Variants in SLC38A1 observed in about 807,000 individuals in gnomAD.
SLC38A1 encodes the protein solute carrier family 38 member 1.
In SLC38A1, 18 loss-of-function variants were observed where a neutral mutation model predicts 60.3. That is an observed-to-expected ratio of 0.30 (90% confidence interval 0.21 to 0.44). The LOEUF is 0.44. SLC38A1 is among the 20% of genes least tolerant of loss of function. The probability of loss-of-function intolerance (pLI) is 1.00; values close to 1 mark genes in which losing one functional copy is unlikely to be tolerated. For missense variants in SLC38A1, 448 were observed against 587.2 expected (o/e 0.76, Z 2.45); for synonymous variants, 196 against 212.1 (o/e 0.92, Z 0.66).
chr12:46,265,398 C>G (rs1942321337), intron 1 of SLC38A1, among the ~76,000 whole-genome samples: 1 of 152,214 alleles, frequency 6.6e-6, no homozygotes, highest in South Asian at 2.1e-4. Flanking sequence ...TCAGTGAACA[C>G]TTCTCCCAAG....
At chr12:46,252,326 G>A (rs973771559) in intron 1 of SLC38A1, among the ~76,000 whole-genome samples, 34 of 152,188 alleles carry the variant, frequency 2.2e-4, no homozygotes, top group Non-Finnish European at 2.9e-4. Context: ...ATCACACACC[G>A]GGGCCTGTCA....
At chr12:46,200,039 T>C (rs1359374111) in intron 13 of SLC38A1, among the ~76,000 whole-genome samples, 1 of 152,206 alleles carries the variant, frequency 6.6e-6, no homozygotes, top group African/African-American at 2.4e-5. Context: ...TGAAAAATAA[T>C]GCATCTACAA....
chr12:46,251,618 A>G (rs1019292703), intron 1 of SLC38A1, among the ~76,000 whole-genome samples: 1 of 152,230 alleles, frequency 6.6e-6, no homozygotes, highest in African/African-American at 2.4e-5. Flanking sequence ...AGAATCTACA[A>G]AGAACTTAAA....
intron 14 of SLC38A1, 22 bp downstream of exon 14, chr12:46,198,603 T>C (rs775330886): frequency 8.6e-6 from 13 of 1,509,948 alleles, no homozygotes; most frequent in Non-Finnish European, 1.2e-5. Context: ...TTTTCTCATA[T>C]TGCACAGAGG....
At position 46,183,203 on chromosome 12, in the gene SLC38A1, T is replaced by C. The variant is rs942957289; in HGVS notation, c.*5767A>G. On this transcript the variant is annotated 3_prime_UTR_variant, in exon 17 of 17. Coordinates refer to ENST00000398637, the MANE Select transcript of SLC38A1 (RefSeq NM_030674.4). ...ATTTGATTAACTATGAATAGCAAAG[T>C]TTTGTGACTTGTGACTCACTTAAAT... 4 of 152,312 alleles carry C rather than the reference T, an allele frequency of 2.6e-5. No individual in the cohort carries two copies. Among genetic ancestry groups the C allele is most frequent in the Non-Finnish European group, 5.9e-5 (4 of 68,018 alleles). The allele number at this position is 152,312 out of a possible 1,614,324, so 9.4% of individuals were successfully genotyped here.
intron 9 of SLC38A1, 104 bp from the exon 10 acceptor site, chr12:46,204,694 C>T (rs947693035): frequency 2.5e-5 from 19 of 765,650 alleles, no homozygotes; most frequent in Admixed American, 5.6e-5. Context: ...CATCACCTCA[C>T]TTATTTCAGT....
rs780181487 is a variant in SLC38A1 at position 46,201,135 on chromosome 12, G to A, written c.966C>T (p.Tyr322=). The A allele has an allele frequency of 6.2e-7, 1 of 1,613,470 alleles. No individual in the cohort carries two copies. Among genetic ancestry groups the A allele is most frequent in the East Asian group, 2.2e-5 (1 of 44,782 alleles). Reference sequence around the variant, plus strand: ...AGTAGCCAAAAATGGCAGTCAAGAAGTACATAACAAACATGGCGAAAAAGG... The same window carrying A: ...AGTAGCCAAAAATGGCAGTCAAGAAATACATAACAAACATGGCGAAAAAGG... ...NISFFAMFVM[Y]FLTAIFGYLT... The change falls in exon 13 of 17, where the codon TAC becomes TAT. Residue 322 remains tyrosine, a synonymous_variant. Transcript: ENST00000398637.
chr12:46,219,279 T>TTATGGTTAG (rs1940552767), intron 5 of SLC38A1, among the ~76,000 whole-genome samples: 1 of 152,262 alleles, frequency 6.6e-6, no homozygotes, highest in Admixed American at 6.5e-5. Flanking sequence ...TTTCTTTCAC[T>TTATGGTTAG]GTCATAATTT....
intron 5 of SLC38A1, among the ~76,000 whole-genome samples, chr12:46,220,503 C>A (rs1403747686): frequency 6.6e-6 from 1 of 152,172 alleles, no homozygotes; most frequent in Non-Finnish European, 1.5e-5. Flanking sequence ...TATTGACTTC[C>A]TCTTAACTGC....
chr12:46,201,869 G>A (rs962142396), intron 12 of SLC38A1, among the ~76,000 whole-genome samples: 1 of 149,046 alleles, frequency 6.7e-6, no homozygotes, highest in African/African-American at 2.5e-5. Context: ...AAGGAATCTA[G>A]GATGCCATAG....
At chr12:46,193,870 T>C (rs946887052) in intron 16 of SLC38A1, among the ~76,000 whole-genome samples, 1 of 152,176 alleles carries the variant, frequency 6.6e-6, no homozygotes, top group Non-Finnish European at 1.5e-5. Flanking sequence ...ACACTGATGG[T>C]TCTCAACTGT....
intron 16 of SLC38A1, chr12:46,197,475 C>T (rs1468496887): frequency 5.6e-6 from 2 of 358,940 alleles, no homozygotes; most frequent in South Asian, 2.9e-5. Flanking sequence ...CCACTGCACT[C>T]CAGCCTGGGC....
At chr12:46,217,569 G>A (rs1592101594) in intron 5 of SLC38A1, among the ~76,000 whole-genome samples, 2 of 152,132 alleles carry the variant, frequency 1.3e-5, no homozygotes, top group African/African-American at 4.8e-5. Context: ...CCCCTTTTTA[G>A]GGGAGAGTTG....
At chr12:46,263,203 A>G (rs1028844005) in intron 1 of SLC38A1, among the ~76,000 whole-genome samples, 1 of 152,188 alleles carries the variant, frequency 6.6e-6, no homozygotes, top group Admixed American at 6.5e-5. Context: ...TCTCCAGAGG[A>G]GAGCATTCTT....
intron 12 of SLC38A1, among the ~76,000 whole-genome samples, chr12:46,201,804 A>G (rs1197710745): frequency 6.6e-6 from 1 of 151,190 alleles, no homozygotes; most frequent in Non-Finnish European, 1.5e-5. Flanking sequence ...TTAATCTGCA[A>G]CACTTGTATT....
intron 5 of SLC38A1, among the ~76,000 whole-genome samples, chr12:46,216,281 T>C (rs1286546303): frequency 6.6e-6 from 1 of 152,092 alleles, no homozygotes; most frequent in African/African-American, 2.4e-5. Context: ...GAACACTAGC[T>C]GAAAATGATG....
intron 5 of SLC38A1, among the ~76,000 whole-genome samples, chr12:46,224,552 G>C (rs1940791910): frequency 6.6e-6 from 1 of 152,188 alleles, no homozygotes; most frequent in Non-Finnish European, 1.5e-5. Flanking sequence ...CCAGCTGCTG[G>C]TCCAAAGAAG....
chr12:46,213,096 T>C (rs1012737524), intron 5 of SLC38A1, among the ~76,000 whole-genome samples: 9 of 152,220 alleles, frequency 5.9e-5, no homozygotes, highest in Admixed American at 5.9e-4. Context: ...TCCTCAACCA[T>C]CCTTTTTAAA....
At chr12:46,257,294 C>A (rs1230045130) in intron 1 of SLC38A1, among the ~76,000 whole-genome samples, 2 of 152,118 alleles carry the variant, frequency 1.3e-5, no homozygotes, top group Non-Finnish European at 2.9e-5. Flanking sequence ...CCATTCTTAG[C>A]CAAGAGGGAT....
Sources: gnomAD v4.1 joint callset for allele counts (sites outside exome capture counted in the v4.1 genomes callset) on GRCh38, gnomAD v4.1.1 for gene constraint, MANE v1.5 for transcripts, NCBI Gene and HGNC (gene_info 2026-07-23, HGNC 2026-07-21) for gene names.